VAT1L: variants seen among roughly 807,000 people sequenced by gnomAD.
The protein encoded by VAT1L is vesicle amine transport 1 like.
In VAT1L, 34 loss-of-function variants were observed where a neutral mutation model predicts 44.1. The ratio of observed to expected loss-of-function variants is 0.77; its 90% CI spans 0.59 to 1.03. The LOEUF (loss-of-function observed/expected upper bound fraction) is 1.03, where lower values mean the gene tolerates loss of function less well. VAT1L is among the 50% of genes least tolerant of loss of function. The probability of loss-of-function intolerance (pLI) is 0.00; values close to 1 mark genes in which losing one functional copy is unlikely to be tolerated. For missense variants in VAT1L, 615 were observed against 538.8 expected, an observed-to-expected ratio of 1.14 and a Z score of -1.40; for synonymous variants, 253 against 202.2, an observed-to-expected ratio of 1.25 and a Z score of -2.13.
intron 3 of VAT1L, among the ~76,000 whole-genome samples, chr16:77,835,421 C>T (rs965926128): frequency 3.9e-5 from 6 of 152,160 alleles, no homozygotes; most frequent in African/African-American, 1.4e-4. Context: ...GTGGCTGTCC[C>T]AGCATCACTC....
intron 4 of VAT1L, among the ~76,000 whole-genome samples, chr16:77,869,111 C>A (rs1348057627): frequency 2.6e-5 from 4 of 151,986 alleles, no homozygotes; most frequent in Non-Finnish European, 5.9e-5. Context: ...GAGAAGAGAT[C>A]TCCAAAATCA....
At chr16:77,939,268 C>T (rs1010417541) in intron 7 of VAT1L, among the ~76,000 whole-genome samples, 1 of 152,178 alleles carries the variant, frequency 6.6e-6, no homozygotes, top group African/African-American at 2.4e-5. Context: ...TATATTTGAG[C>T]AACACTCTGT....
At chr16:77,920,688 A>G (rs1312660592) in intron 7 of VAT1L, among the ~76,000 whole-genome samples, 1 of 152,124 alleles carries the variant, frequency 6.6e-6, no homozygotes, top group Non-Finnish European at 1.5e-5. Context: ...TACCTTTTGT[A>G]TGTTGATGTG....
At chr16:77,910,261 C>T (rs2017484968) in intron 7 of VAT1L, among the ~76,000 whole-genome samples, 1 of 152,078 alleles carries the variant, frequency 6.6e-6, no homozygotes, top group Non-Finnish European at 1.5e-5. Flanking sequence ...CTCTTTTTCT[C>T]GTGAAGGGAC....
chr16:77,974,410 T>G (rs938019140), intron 8 of VAT1L, among the ~76,000 whole-genome samples: 4 of 152,180 alleles, frequency 2.6e-5, no homozygotes, highest in African/African-American at 7.2e-5. Flanking sequence ...CCATCACACA[T>G]GAGTTGCTCC....
intron 3 of VAT1L, among the ~76,000 whole-genome samples, chr16:77,837,448 T>C (rs566733107): frequency 6.6e-6 from 1 of 152,292 alleles, no homozygotes; most frequent in East Asian, 1.9e-4. Flanking sequence ...TCCATGAAAT[T>C]AAACCTCAGG....
chr16:77,927,341 A>G (rs1459371665), intron 7 of VAT1L, among the ~76,000 whole-genome samples: 1 of 151,280 alleles, frequency 6.6e-6, no homozygotes, highest in African/African-American at 2.4e-5. Flanking sequence ...CCATCTCAAA[A>G]AAAAAAAAAA....
At chr16:77,812,468 C>G (rs2016282585) in intron 1 of VAT1L, among the ~76,000 whole-genome samples, 1 of 152,134 alleles carries the variant, frequency 6.6e-6, no homozygotes, top group Admixed American at 6.6e-5. Context: ...AGTTGGAAGA[C>G]CTTTATTCAA....
At chr16:77,808,886 C>T (rs1236075381) in intron 1 of VAT1L, among the ~76,000 whole-genome samples, 3 of 152,128 alleles carry the variant, frequency 2.0e-5, no homozygotes, top group Non-Finnish European at 2.9e-5. Flanking sequence ...CGTGAGCCAC[C>T]GTGCCCAGCT....
intron 7 of VAT1L, among the ~76,000 whole-genome samples, chr16:77,957,723 C>G (rs2018119325): frequency 2.0e-5 from 3 of 148,180 alleles, no homozygotes; most frequent in Admixed American, 6.7e-5. Flanking sequence ...GACTCTGTCT[C>G]AAAAAAATAA....
chr16:77,860,956 G>A (rs892526620), intron 3 of VAT1L, among the ~76,000 whole-genome samples: 2 of 152,212 alleles, frequency 1.3e-5, no homozygotes, highest in African/African-American at 4.8e-5. Flanking sequence ...GTGGAAACCA[G>A]GAGACCTTAC....
At chr16:77,837,169 C>T (rs893001049) in intron 3 of VAT1L, among the ~76,000 whole-genome samples, 1 of 152,108 alleles carries the variant, frequency 6.6e-6, no homozygotes, top group Admixed American at 6.6e-5. Context: ...GATTTCACTC[C>T]ACGGGTTTTG....
At chr16:77,953,841 T>C (rs2142526888) in intron 7 of VAT1L, among the ~76,000 whole-genome samples, 1 of 152,298 alleles carries the variant, frequency 6.6e-6, no homozygotes, top group Middle Eastern at 3.4e-3. Flanking sequence ...TAGTAGGCAT[T>C]GGTTCACACT....
intron 2 of VAT1L, among the ~76,000 whole-genome samples, chr16:77,820,276 G>A (rs1011019251): frequency 4.6e-5 from 7 of 152,100 alleles, no homozygotes; most frequent in African/African-American, 1.7e-4. Flanking sequence ...CAGGGTTTCC[G>A]TGATTCTCCC....
chr16:77,817,829 T>C (rs2016382174), intron 2 of VAT1L, among the ~76,000 whole-genome samples: 1 of 151,926 alleles, frequency 6.6e-6, no homozygotes, highest in African/African-American at 2.4e-5. Context: ...TAGTTTGGAG[T>C]CAGAAAAACC....
chr16:77,820,679 G>C (rs777479477), intron 2 of VAT1L, among the ~76,000 whole-genome samples: 6 of 152,174 alleles, frequency 3.9e-5, no homozygotes, highest in African/African-American at 1.4e-4. Flanking sequence ...CTCTTCAAAG[G>C]CTCCTTCACT....
intron 5 of VAT1L, 58 bp downstream of exon 5, chr16:77,876,531 C>A: frequency 6.8e-7 from 1 of 1,475,738 alleles, no homozygotes; most frequent in Non-Finnish European, 9.5e-7. Context: ...ACATATGTGC[C>A]TGCAAAGGCT....
intron 1 of VAT1L, among the ~76,000 whole-genome samples, chr16:77,806,047 G>T (rs1201898202): frequency 6.6e-6 from 1 of 150,902 alleles, no homozygotes; most frequent in Admixed American, 6.6e-5. Flanking sequence ...ATTTTTAGTA[G>T]AGTCAGGGTT....
intron 2 of VAT1L, among the ~76,000 whole-genome samples, chr16:77,824,470 T>A (rs2016494607): frequency 6.6e-6 from 1 of 152,110 alleles, no homozygotes; most frequent in South Asian, 2.1e-4. Context: ...AAAAAATGAT[T>A]GTGGGCCAGG....
Sources: allele counts gnomAD v4.1 joint callset (sites outside exome capture counted in the v4.1 genomes callset), GRCh38; gene constraint gnomAD v4.1.1; transcripts MANE v1.5; gene names NCBI Gene and HGNC (gene_info 2026-07-23, HGNC 2026-07-21).